KCNK10: variants seen among roughly 807,000 people sequenced by gnomAD.
KCNK10 encodes the protein potassium channel subfamily K member 10.
In KCNK10, 25 loss-of-function variants were observed where a neutral mutation model predicts 47.7. That is an observed-to-expected ratio of 0.52 (90% CI 0.38 to 0.73). KCNK10 has a LOEUF of 0.73. Ranked by LOEUF, KCNK10 falls within the 30% of genes least tolerant of loss-of-function variation. The pLI, the probability that KCNK10 is intolerant of heterozygous loss-of-function variation, is 0.00. For synonymous variants in KCNK10, 303 were observed against 285.6 expected (o/e 1.06, Z -0.61); for missense variants, 563 against 714.5 (o/e 0.79, Z 2.42).
At chr14:88,287,871 A>G (rs952796193) in intron 1 of KCNK10, among the ~76,000 whole-genome samples, 1 of 152,172 alleles carries the variant, frequency 6.6e-6, no homozygotes, top group Non-Finnish European at 1.5e-5. Context: ...TGCACCCAGG[A>G]GTGGGATTGT....
intron 2 of KCNK10, among the ~76,000 whole-genome samples, chr14:88,246,784 T>G (rs1886655321): frequency 6.6e-6 from 1 of 152,246 alleles, no homozygotes; most frequent in African/African-American, 2.4e-5. Flanking sequence ...TGCAAGCTGT[T>G]CAGCTTCTCT....
In KCNK10 at chr14:88,181,983, A is replaced by T. The variant is rs192980078; in HGVS notation, c.*3552T>A. On this transcript the variant is annotated 3_prime_UTR_variant, in exon 7 of 7. Coordinates refer to ENST00000319231, the MANE Select transcript of KCNK10 (RefSeq NM_138317.3). ...AGGCTATGACTGCTGGAACACAAAT[A>T]GTCCTAGTTACCTTAGTAACAGGCC... The T allele has an allele frequency of 6.6e-6, 1 of 152,430 alleles. No homozygotes were observed. The highest frequency in any genetic ancestry group is 1.9e-4 in the East Asian group (1 of 5,300). 9.4% of individuals were successfully genotyped at this position (152,430 alleles called of 1,614,324 possible).
chr14:88,186,275 CA>C lies in KCNK10; in HGVS notation c.1012-121del. ...GCCAGGAGGTGACGGAGCACATGCC[CA>C]GGGGGAGGTGCAAATGCTACCTTCT... On this transcript the variant is annotated intron_variant, in intron 6 of 6. Transcript: ENST00000319231. The surrounding 1 kb of genome is among the most constrained non-coding windows in gnomAD (Gnocchi z 5.5). The C allele has an allele frequency of 2.5e-6, 3 of 1,218,940 alleles. No homozygotes were observed. The highest frequency in any genetic ancestry group is 2.6e-5 in the East Asian group (1 of 38,632). 75.5% of individuals were successfully genotyped at this position (1,218,940 alleles called of 1,614,324 possible).
chr14:88,286,269 C>T lies in KCNK10; in HGVS notation c.53-22718G>A, dbSNP rs183458555. On this transcript the variant is annotated intron_variant, in intron 1 of 6. Coordinates refer to ENST00000319231, the MANE Select transcript of KCNK10 (RefSeq NM_138317.3). Reference sequence around the variant, plus strand: ...ACGTTGCAGAATAGAGACAAACCATCGCCTCTGTGTCCTGCATGAATCCCT... The same window carrying T: ...ACGTTGCAGAATAGAGACAAACCATTGCCTCTGTGTCCTGCATGAATCCCT... Among the ~76,000 whole-genome samples, 10 of 152,240 alleles carry T rather than the reference C, an allele frequency of 6.6e-5. No individual in the cohort carries two copies. In the East Asian group the frequency reaches 1.5e-3, roughly 24 times the overall value.
intron 2 of KCNK10, among the ~76,000 whole-genome samples, chr14:88,251,085 T>C (rs1886782251): frequency 6.6e-6 from 1 of 151,544 alleles, no homozygotes; most frequent in South Asian, 2.1e-4. Flanking sequence ...ATACAAAAAT[T>C]AGCTGGGCGT....
intron 5 of KCNK10, among the ~76,000 whole-genome samples, chr14:88,189,378 C>A (rs183600984): frequency 1.3e-5 from 2 of 152,306 alleles, no homozygotes; most frequent in East Asian, 3.9e-4. Context: ...CTGTAGGATA[C>A]GATCTGAGTT....
At chr14:88,269,838 T>C (rs1887359949) in intron 1 of KCNK10, among the ~76,000 whole-genome samples, 1 of 152,212 alleles carries the variant, frequency 6.6e-6, no homozygotes, top group Non-Finnish European at 1.5e-5. Context: ...GAGGGGACAC[T>C]GAGCAACCTA....
chr14:88,240,524 A>G (rs1281231729), intron 3 of KCNK10, among the ~76,000 whole-genome samples, 179 bp downstream of exon 3: 1 of 152,188 alleles, frequency 6.6e-6, no homozygotes, highest in East Asian at 1.9e-4. Flanking sequence ...GAGATACTTC[A>G]TTATGCTTTG....
chr14:88,266,444 C>G (rs986454549), intron 1 of KCNK10, among the ~76,000 whole-genome samples: 1 of 152,210 alleles, frequency 6.6e-6, no homozygotes, highest in Non-Finnish European at 1.5e-5. Flanking sequence ...TCGTCCTGGG[C>G]TCTTCCAGGC....
intron 1 of KCNK10, among the ~76,000 whole-genome samples, chr14:88,290,636 G>A (rs999640680): frequency 6.6e-6 from 1 of 152,130 alleles, no homozygotes; most frequent in Admixed American, 6.5e-5. Flanking sequence ...TAGGTACTTT[G>A]CCCAAAGCCT....
intron 4 of KCNK10, among the ~76,000 whole-genome samples, chr14:88,213,781 G>A (rs952600440): frequency 7.3e-6 from 1 of 136,336 alleles, no homozygotes; most frequent in Admixed American, 7.2e-5. Flanking sequence ...TGAGGAAAGA[G>A]CTAAAATGGC....
intron 3 of KCNK10, among the ~76,000 whole-genome samples, chr14:88,231,320 G>A (rs1051547768): frequency 6.6e-6 from 1 of 151,996 alleles, no homozygotes; most frequent in Non-Finnish European, 1.5e-5. Flanking sequence ...ATCCAATCCA[G>A]TGCTGGGTAA....
chr14:88,264,578 T>G (rs1178264978), intron 1 of KCNK10, among the ~76,000 whole-genome samples: 4 of 152,188 alleles, frequency 2.6e-5, no homozygotes, highest in African/African-American at 9.7e-5. Flanking sequence ...CACTGCCTGT[T>G]CAAAACACCT....
chr14:88,270,053 G>GA (rs1245769300), intron 1 of KCNK10, among the ~76,000 whole-genome samples: 3 of 152,060 alleles, frequency 2.0e-5, no homozygotes, highest in Non-Finnish European at 1.5e-5. Flanking sequence ...TGTGACTGCA[G>GA]ACTCCCGGGC....
intron 1 of KCNK10, among the ~76,000 whole-genome samples, chr14:88,284,375 T>C (rs1467567338): frequency 1.3e-5 from 2 of 152,166 alleles, no homozygotes; most frequent in East Asian, 1.9e-4. Flanking sequence ...TAGATGTACA[T>C]ATGAAAGGGA....
At chr14:88,232,587 T>G (rs560387341) in intron 3 of KCNK10, among the ~76,000 whole-genome samples, 1 of 152,244 alleles carries the variant, frequency 6.6e-6, no homozygotes, top group African/African-American at 2.4e-5. Context: ...TCCTCCACTC[T>G]GGAGTTAAAA....
chr14:88,197,859 GGAGAGAGAGAGAGAGA>G (rs71126969), intron 4 of KCNK10, among the ~76,000 whole-genome samples: 15 of 125,350 alleles, frequency 1.2e-4, no homozygotes, highest in Admixed American at 9.7e-4. Flanking sequence ...AGGAGGGAAG[GGAGAGAGAGAGAGAGA>G]GAGAGAGAGA....
At chr14:88,315,018 A>ACTCC (rs1267706065) in intron 1 of KCNK10, among the ~76,000 whole-genome samples, 1 of 151,866 alleles carries the variant, frequency 6.6e-6, no homozygotes, top group Non-Finnish European at 1.5e-5. Context: ...CAACAACTCA[A>ACTCC]CTCCCTCCTT....
rs1884441959 is a variant in KCNK10 at position 88,183,607 on chromosome 14, C to T, written c.*1928G>A. ...TTATTACTGAGTCGACACAGGATGT[C>T]ACCAGTGAGCCTCATCTCCAGTCCA... On this transcript the variant is annotated 3_prime_UTR_variant, in exon 7 of 7. Coordinates refer to ENST00000319231, the MANE Select transcript of KCNK10 (RefSeq NM_138317.3). The T allele has an allele frequency of 6.6e-6, 1 of 152,340 alleles. No individual in the cohort carries two copies. The highest frequency in any genetic ancestry group is 2.4e-5 in the African/African-American group (1 of 41,458). The allele number at this position is 152,340 out of a possible 1,614,324, so 9.4% of individuals were successfully genotyped here.
Sources: gnomAD v4.1 joint callset for allele counts (sites outside exome capture counted in the v4.1 genomes callset) on GRCh38, gnomAD v4.1.1 for gene constraint, Gnocchi (gnomAD v3.1) non-coding constraint, MANE v1.5 for transcripts, NCBI Gene and HGNC (gene_info 2026-07-23, HGNC 2026-07-21) for gene names.